The following SLIT3 variants were observed in gnomAD, a reference collection of about 807,000 sequenced individuals.
SLIT3 encodes slit homolog 3 protein.
In SLIT3, 68 loss-of-function variants were observed where a neutral mutation model predicts 184.0. That is an observed-to-expected ratio of 0.37 (90% CI 0.30 to 0.45). SLIT3 has a LOEUF of 0.45. Among genes scored for constraint, SLIT3 ranks in the 20% least tolerant of loss-of-function variants. The pLI, the probability that SLIT3 is intolerant of heterozygous loss-of-function variation, is 1.00. For synonymous variants in SLIT3, 831 were observed against 828.6 expected, an observed-to-expected ratio of 1.00 and a Z score of -0.05; for missense variants, 1,707 against 2,026.0, an observed-to-expected ratio of 0.84 and a Z score of 3.02.
chr5:169,275,576 G>T (rs1766775734), intron 1 of SLIT3, among the ~76,000 whole-genome samples: 1 of 152,168 alleles, frequency 6.6e-6, no homozygotes, highest in Non-Finnish European at 1.5e-5. Context: ...CTTCCACACG[G>T]TAGGGGCAGT....
intron 3 of SLIT3, among the ~76,000 whole-genome samples, chr5:169,222,578 T>C (rs1396490206): frequency 3.9e-5 from 6 of 152,170 alleles, no homozygotes; most frequent in African/African-American, 1.2e-4. Flanking sequence ...TTTCTAGGCC[T>C]TGAGACTTGG....
chr5:169,158,712 G>T (rs953097059), intron 4 of SLIT3, among the ~76,000 whole-genome samples: 1 of 151,998 alleles, frequency 6.6e-6, no homozygotes, highest in African/African-American at 2.4e-5. Context: ...GGGAAGTGAG[G>T]TTTCTACACT....
intron 20 of SLIT3, among the ~76,000 whole-genome samples, chr5:168,731,500 A>G (rs1433378174): frequency 6.6e-6 from 1 of 152,104 alleles, no homozygotes; most frequent in Non-Finnish European, 1.5e-5. Context: ...GACACAATGA[A>G]AAAAGAAAAC....
intron 16 of SLIT3, among the ~76,000 whole-genome samples, chr5:168,756,245 C>T (rs1413828484): frequency 6.6e-6 from 1 of 152,240 alleles, no homozygotes. Flanking sequence ...CATACCAAGT[C>T]CCTGGTCTGA....
intron 26 of SLIT3, among the ~76,000 whole-genome samples, chr5:168,704,764 G>A (rs570095394): frequency 6.6e-6 from 1 of 152,256 alleles, no homozygotes; most frequent in South Asian, 2.1e-4. Context: ...AGGTCACTCA[G>A]CTAGTCAATG....
chr5:169,017,777 T>TA (rs1756447982), intron 4 of SLIT3: 1 of 152,288 alleles, frequency 6.6e-6, no homozygotes, highest in East Asian at 1.9e-4. Context: ...AAAAAAAAGC[T>TA]TAAGGAACAG....
At chr5:169,198,028 T>C (rs1763794030) in intron 3 of SLIT3, among the ~76,000 whole-genome samples, 2 of 152,210 alleles carry the variant, frequency 1.3e-5, no homozygotes, top group Non-Finnish European at 2.9e-5. Flanking sequence ...CATTTATCTG[T>C]ACATCCAACC....
chr5:168,820,261 T>A (rs1757480500), intron 7 of SLIT3, among the ~76,000 whole-genome samples: 1 of 152,104 alleles, frequency 6.6e-6, no homozygotes, highest in South Asian at 2.1e-4. Context: ...GAGGCTCTTA[T>A]CCCCCTTCTT....
chr5:168,973,440 G>A (rs909983936), intron 4 of SLIT3, among the ~76,000 whole-genome samples: 4 of 152,114 alleles, frequency 2.6e-5, no homozygotes, highest in African/African-American at 9.7e-5. Context: ...TTGAGACGGG[G>A]TTTTGCCATG....
At chr5:169,260,493 C>T (rs1375796514) in intron 1 of SLIT3, among the ~76,000 whole-genome samples, 1 of 152,218 alleles carries the variant, frequency 6.6e-6, no homozygotes, top group Non-Finnish European at 1.5e-5. Context: ...GTTTTGCCAA[C>T]AAAGGTTACA....
intron 26 of SLIT3, among the ~76,000 whole-genome samples, chr5:168,701,146 G>A (rs1432468910): frequency 2.0e-5 from 3 of 152,344 alleles, no homozygotes; most frequent in Admixed American, 1.3e-4. Flanking sequence ...AAAGTTTCAT[G>A]TAAGGAAAAG....
intron 4 of SLIT3, among the ~76,000 whole-genome samples, chr5:168,896,684 C>T (rs559343998): frequency 2.1e-4 from 32 of 152,296 alleles, no homozygotes; most frequent in African/African-American, 7.2e-4. Flanking sequence ...CCAGCCCCTA[C>T]GAGGCTGGTT....
chr5:169,088,849 G>A (rs1295202056), intron 4 of SLIT3, among the ~76,000 whole-genome samples: 1 of 151,492 alleles, frequency 6.6e-6, no homozygotes, highest in Admixed American at 6.6e-5. Context: ...GCAAAACCCT[G>A]TCTCTACTAG....
chr5:169,225,719 G>A (rs1764783851), intron 3 of SLIT3, among the ~76,000 whole-genome samples: 1 of 152,200 alleles, frequency 6.6e-6, no homozygotes. Flanking sequence ...GACAGGGGGT[G>A]GGCGGCAGGG....
chr5:168,735,209 C>G (rs1763393938), intron 20 of SLIT3, among the ~76,000 whole-genome samples: 1 of 152,212 alleles, frequency 6.6e-6, no homozygotes, highest in Non-Finnish European at 1.5e-5. Flanking sequence ...CACACAAGGA[C>G]ACATCTGCCT....
intron 16 of SLIT3, among the ~76,000 whole-genome samples, chr5:168,759,510 G>A (rs533146978): frequency 6.6e-6 from 1 of 152,248 alleles, no homozygotes; most frequent in East Asian, 1.9e-4. Context: ...TATGTCTGGG[G>A]GGCCATTTTA....
intron 4 of SLIT3, among the ~76,000 whole-genome samples, chr5:169,150,288 C>T (rs2113367108): frequency 6.6e-6 from 1 of 152,248 alleles, no homozygotes; most frequent in East Asian, 1.9e-4. Flanking sequence ...AGAAAAACAT[C>T]ACAGATGCCT....
chr5:169,064,972 C>T (rs551639848), intron 4 of SLIT3, among the ~76,000 whole-genome samples: 1 of 152,286 alleles, frequency 6.6e-6, no homozygotes, highest in South Asian at 2.1e-4. Flanking sequence ...AGAGTTCTGA[C>T]CTTTCATTCC....
intron 8 of SLIT3, among the ~76,000 whole-genome samples, chr5:168,808,618 A>T (rs1356018802): frequency 2.6e-5 from 4 of 152,168 alleles, no homozygotes; most frequent in Admixed American, 6.5e-5. Flanking sequence ...AAGTCACAGT[A>T]CCTCTCTCTG....
Sources: gnomAD v4.1 joint callset for allele counts (sites outside exome capture counted in the v4.1 genomes callset) on GRCh38, gnomAD v4.1.1 for gene constraint, MANE v1.5 for transcripts, NCBI Gene and HGNC (gene_info 2026-07-23, HGNC 2026-07-21) for gene names.